ZC3H13: variants seen among roughly 807,000 people sequenced by gnomAD.
The protein encoded by ZC3H13 is zinc finger CCCH-type containing 13, also known as zinc finger CCCH domain-containing protein 13.
In ZC3H13, 64 loss-of-function variants were observed where a neutral mutation model predicts 204.1. The ratio of observed to expected loss-of-function variants is 0.31; its 90% confidence interval spans 0.26 to 0.39. ZC3H13 has a LOEUF of 0.39. Among genes scored for constraint, ZC3H13 ranks in the 10% least tolerant of loss-of-function variants. The pLI is 1.00. For missense variants in ZC3H13, 1,833 were observed against 2,082.7 expected, an observed-to-expected ratio of 0.88 and a Z score of 2.33; for synonymous variants, 667 against 693.7, an observed-to-expected ratio of 0.96 and a Z score of 0.60.
chr13:45,981,437 A>G (rs1276111947), intron 10 of ZC3H13, among the ~76,000 whole-genome samples: 1 of 152,124 alleles, frequency 6.6e-6, no homozygotes, highest in Non-Finnish European at 1.5e-5. Context: ...TAGTGCCGCA[A>G]TAAACATACG....
intron 5 of ZC3H13, among the ~76,000 whole-genome samples, chr13:46,019,079 G>A (rs1338457706): frequency 1.3e-5 from 2 of 152,050 alleles, no homozygotes; most frequent in African/African-American, 4.8e-5. Flanking sequence ...TTTCCTATTT[G>A]TTCTTAGAAG....
chr13:45,975,163 G>A, intron 12 of ZC3H13, 120 bp downstream of exon 12: 2 of 1,442,782 alleles, frequency 1.4e-6, no homozygotes, highest in South Asian at 1.4e-5. Flanking sequence ...TGAAAAACAG[G>A]AAAATATACA....
intron 3 of ZC3H13, 126 bp downstream of exon 3, chr13:46,044,829 T>G: frequency 2.1e-6 from 1 of 481,984 alleles, no homozygotes. Flanking sequence ...CTTCAATTAC[T>G]GGTAAGACTA....
At chr13:45,965,040 T>C (rs1448573262) in intron 16 of ZC3H13, among the ~76,000 whole-genome samples, 4 of 152,168 alleles carry the variant, frequency 2.6e-5, no homozygotes, top group African/African-American at 9.7e-5. Flanking sequence ...TTCTGGAAAA[T>C]AAACTTTAGA....
At chr13:45,975,006 C>T (rs558309086) in intron 12 of ZC3H13, among the ~76,000 whole-genome samples, 32 of 152,010 alleles carry the variant, frequency 2.1e-4, no homozygotes, top group Non-Finnish European at 2.9e-4. Flanking sequence ...CCACCACGTC[C>T]GGCTAATTTT....
At chr13:45,988,089 T>C (rs577068592) in intron 9 of ZC3H13, among the ~76,000 whole-genome samples, 11 of 152,260 alleles carry the variant, frequency 7.2e-5, no homozygotes, top group African/African-American at 2.6e-4. Flanking sequence ...TCAAAACACT[T>C]CTGATGCTTT....
intron 9 of ZC3H13, among the ~76,000 whole-genome samples, chr13:45,986,482 CA>C (rs1347045382): frequency 2.6e-5 from 4 of 152,132 alleles, no homozygotes; most frequent in African/African-American, 7.2e-5. Context: ...TAAATACTTG[CA>C]CTTTTTAAAA....
chr13:45,965,243 A>G, intron 16 of ZC3H13, 37 bp downstream of exon 16: 1 of 1,606,252 alleles, frequency 6.2e-7, no homozygotes, highest in Middle Eastern at 1.7e-4. Context: ...CATATAACAG[A>G]TAATTTTCAT....
intron 7 of ZC3H13, among the ~76,000 whole-genome samples, chr13:46,006,601 C>G (rs2041166922): frequency 6.7e-6 from 1 of 149,560 alleles, no homozygotes; most frequent in Non-Finnish European, 1.5e-5. Context: ...TCACTATCTA[C>G]TAATCTCACT....
At position 46,052,740 on chromosome 13, in the gene ZC3H13, G is replaced by C. The variant is rs950616132; in HGVS notation, c.-346C>G. 2.5e-6 allele frequency: 1 copy of C among 397,486 alleles called. No individual in the cohort carries two copies. The highest frequency in any genetic ancestry group is 4.4e-6 in the Non-Finnish European group (1 of 225,516). The allele number at this position is 397,486 out of a possible 1,614,324, so 24.6% of individuals were successfully genotyped here. ...CGCCTCAAAATGCCGCCGGAAGTCA[G>C]AGGTTTGCCCTGTTCCTCTGTAGAC... is the stretch of plus-strand genomic sequence containing the variant. On this transcript the variant is annotated 5_prime_UTR_variant, in exon 1 of 19. Transcript: ENST00000679008.
chr13:46,042,171 G>C lies in ZC3H13; in HGVS notation c.332C>G (p.Pro111Arg), dbSNP rs756361755. 7 of 1,611,604 alleles carry C rather than the reference G, an allele frequency of 4.3e-6. No homozygotes were observed. Among genetic ancestry groups the C allele is most frequent in the African/African-American group, 1.3e-5 (1 of 74,940 alleles). The change falls in exon 4 of 19, where the codon CCT (proline) becomes CGT (arginine). Residue 111 changes from proline to arginine, a missense_variant. Physicochemically the swap from Pro to Arg is moderately radical, Grantham distance 103. Coordinates refer to ENST00000679008, the MANE Select transcript of ZC3H13 (RefSeq NM_001330564.2). ...QKRNTEESSS[P>R]VRKESSRGRH... Reference sequence around the variant, plus strand: ...TGGGAAATTCAATCCTACCCTAACAGGTGAGGATGACTCCTCTGTATTTCG... The same window carrying C: ...TGGGAAATTCAATCCTACCCTAACACGTGAGGATGACTCCTCTGTATTTCG...
intron 1 of ZC3H13, among the ~76,000 whole-genome samples, chr13:46,046,109 T>G (rs1390317874): frequency 6.6e-6 from 1 of 152,160 alleles, no homozygotes; most frequent in South Asian, 2.1e-4. Flanking sequence ...GCATATTTAT[T>G]TTCCAGTAAC....
intron 17 of ZC3H13, chr13:45,963,530 T>C (rs1951842008): frequency 9.2e-7 from 1 of 1,081,650 alleles, no homozygotes; most frequent in Non-Finnish European, 1.1e-6. Flanking sequence ...CCAGCAATCC[T>C]GCTGCCTCAA....
At position 45,978,751 on chromosome 13, in the gene ZC3H13, T is replaced by C. The variant is rs550093990; in HGVS notation, c.1912+1062A>G. Among the ~76,000 whole-genome samples the C allele has an allele frequency of 4.6e-5, 7 of 151,366 alleles. No individual in the cohort carries two copies. The East Asian group carries it at 1.2e-3, about 25-fold the overall frequency. ...ATAGAAAAAAAGGAAAAAAGAAATT[T>C]AAAAAAAAGCATCACCAGTTCTAAA... On this transcript the variant is annotated intron_variant, in intron 11 of 18. Coordinates refer to ENST00000679008, the MANE Select transcript of ZC3H13 (RefSeq NM_001330564.2).
At chr13:45,972,100 C>G (rs900734896) in intron 12 of ZC3H13, among the ~76,000 whole-genome samples, 8 of 151,572 alleles carry the variant, frequency 5.3e-5, no homozygotes, top group Non-Finnish European at 8.8e-5. Context: ...TGGAGAGTCC[C>G]TAAAGAACTA....
chr13:46,052,621 G>A lies in ZC3H13; in HGVS notation c.-227C>T, dbSNP rs2044566467. On this transcript the variant is annotated 5_prime_UTR_variant, in exon 1 of 19. Transcript: ENST00000679008. Reference sequence around the variant, plus strand: ...AACCAACCCGCCCGCCGCCTCTCCAGGGTCAAGCGAAACTGGGTCGCAGGA... The same window carrying A: ...AACCAACCCGCCCGCCGCCTCTCCAAGGTCAAGCGAAACTGGGTCGCAGGA... 7.5e-6 allele frequency: 3 copies of A among 398,686 alleles called. No individual in the cohort carries two copies. The highest frequency in any genetic ancestry group is 1.3e-5 in the Non-Finnish European group (3 of 226,202). The allele number at this position is 398,686 out of a possible 1,614,324, so 24.7% of individuals were successfully genotyped here.
rs1952407858 is a variant in ZC3H13, at chr13:45,969,598, T to C, written c.2946A>G (p.Ile982Met). ...CTTGACCATCTTCAGATGTTGTCTC[T>C]ATGTTACCCCTCTCTATTCCAACAT... ...EDDVGIERGN[I>M]ETTSEDGQVF... The change falls in exon 14 of 19, where the codon ATA becomes ATG. Residue 982 changes from isoleucine (I) to methionine (M), a missense_variant. By Grantham distance (10) the Ile-to-Met change is conservative. Coordinates refer to ENST00000679008, the MANE Select transcript of ZC3H13 (RefSeq NM_001330564.2). 6.2e-7 allele frequency: 1 copy of C among 1,611,462 alleles called. No homozygotes were observed. Among genetic ancestry groups the C allele is most frequent in the African/African-American group, 1.3e-5 (1 of 74,722 alleles).
chr13:45,998,706 T>G (rs933694045), intron 8 of ZC3H13, among the ~76,000 whole-genome samples: 1 of 152,072 alleles, frequency 6.6e-6, no homozygotes, highest in Non-Finnish European at 1.5e-5. Flanking sequence ...GTTAAAGAAA[T>G]GCTAACACCC....
intron 14 of ZC3H13, among the ~76,000 whole-genome samples, chr13:45,968,384 C>T (rs1952271254): frequency 6.6e-6 from 1 of 151,978 alleles, no homozygotes; most frequent in African/African-American, 2.4e-5. Context: ...TGATCTCCTC[C>T]TACTCCCCTA....
Sources: allele counts gnomAD v4.1 joint callset (sites outside exome capture counted in the v4.1 genomes callset), GRCh38; gene constraint gnomAD v4.1.1; transcripts MANE v1.5; gene names NCBI Gene and HGNC (gene_info 2026-07-23, HGNC 2026-07-21).